The following CDC7 variants were observed in gnomAD, a reference collection of about 807,000 sequenced individuals.
CDC7 encodes cell division cycle 7.
Under a neutral mutation model 53.5 loss-of-function variants are expected in CDC7, and 34 were observed. The ratio of observed to expected loss-of-function variants is 0.64; its 90% CI spans 0.48 to 0.85. The LOEUF is 0.85. CDC7 is among the 40% of genes least tolerant of loss of function. CDC7 has a pLI of 0.00. For missense variants in CDC7, 594 were observed against 679.7 expected (o/e 0.87, Z 1.40); for synonymous variants, 211 against 222.8 (o/e 0.95, Z 0.47).
chr1:91,510,621 C>A (rs1038861224), intron 4 of CDC7, among the ~76,000 whole-genome samples: 2 of 152,188 alleles, frequency 1.3e-5, no homozygotes, highest in Admixed American at 1.3e-4. Flanking sequence ...ATATTTTTAA[C>A]TGTCTCCCTC....
At chr1:91,516,345 T>C (rs1276744843) in intron 10 of CDC7, among the ~76,000 whole-genome samples, 1 of 152,186 alleles carries the variant, frequency 6.6e-6, no homozygotes, top group East Asian at 1.9e-4. Flanking sequence ...AACAATATAA[T>C]AGCAGTTAGA....
intron 8 of CDC7, 26 bp from the exon 9 acceptor site, chr1:91,514,786 TGAAAATA>T: frequency 6.6e-7 from 1 of 1,515,292 alleles, no homozygotes; most frequent in African/African-American, 1.4e-5. Flanking sequence ...TTTAATATCA[TGAAAATA>T]GAAAAATGAG....
At chr1:91,512,968 C>T in intron 6 of CDC7, 90 bp from the exon 7 acceptor site, 5 of 1,043,224 alleles carry the variant, frequency 4.8e-6, no homozygotes, top group Non-Finnish European at 6.8e-6. Flanking sequence ...AAAAGAATTA[C>T]AGTTTTTATG....
Position 91,513,189 on chromosome 1 carries a change from A to G in CDC7, c.704A>G (p.Lys235Arg), listed in dbSNP as rs1235926456. The G allele has an allele frequency of 1.2e-6, 2 of 1,613,880 alleles. No homozygotes were observed. The highest frequency in any genetic ancestry group is 2.2e-5 in the South Asian group (2 of 91,064). Residue 235 changes from lysine (K) to arginine (R), a missense_variant, in exon 7 of 12, where the codon AAG (lysine) becomes AGG (arginine). By Grantham distance (26) the Lys-to-Arg change is conservative (BLOSUM62 2). Transcript: ENST00000234626. ...QNKSHIITGN[K>R]IPLSGPVPKE... ...AAATCCCACATAATCACAGGAAACA[A>G]GATTCCACTGAGTGGCCCAGTACCT...
At chr1:91,514,675 A>G (rs1044821665) in intron 8 of CDC7, 144 bp from the exon 9 acceptor site, 7 of 549,508 alleles carry the variant, frequency 1.3e-5, no homozygotes, top group African/African-American at 7.8e-5. Context: ...TAAACATTTT[A>G]ATAGACAACA....
rs760376567 is a variant in CDC7, at chr1:91,515,018, T to TA, written c.1097+22dup. 3.1e-6 allele frequency: 5 copies of TA among 1,593,254 alleles called. No individual in the cohort carries two copies. In the South Asian group the frequency reaches 5.7e-5, roughly 18 times the overall value. ...TCAAGGTAATGTGTTTTGATGGTGT[T>TA]ATAAAATCACCAGCATGCTGCCATT... On this transcript the variant is annotated intron_variant, in intron 9 of 11. Transcript: ENST00000234626.
At chr1:91,505,106 A>G (rs1239905162) in intron 2 of CDC7, among the ~76,000 whole-genome samples, 4 of 152,160 alleles carry the variant, frequency 2.6e-5, no homozygotes, top group South Asian at 2.1e-4. Flanking sequence ...TAAGACTTCA[A>G]GGTGGTGAAG....
At position 91,511,703 on chromosome 1, in the gene CDC7, A is replaced by G; in HGVS notation, c.429+13A>G. 1 of 1,595,604 alleles carries G rather than the reference A, an allele frequency of 6.3e-7. No individual in the cohort carries two copies. The highest frequency in any genetic ancestry group is 8.6e-7 in the Non-Finnish European group (1 of 1,166,588). On this transcript the variant is annotated intron_variant, in intron 5 of 11. Coordinates refer to ENST00000234626, the MANE Select transcript of CDC7 (RefSeq NM_003503.4). ...TGAGTCGTTTTTGGTAGGTTTTAAT[A>G]TTTCTTGAATTTTTATTAGCTAAAT...
At chr1:91,512,774 C>T (rs11164872) in intron 6 of CDC7, among the ~76,000 whole-genome samples, 6,754 of 152,082 alleles carry the variant, frequency 0.044, 372 homozygotes, top group East Asian at 0.17. Context: ...CAGAGAACAA[C>T]GGACTGTGTT....
chr1:91,522,120 G>A (rs1222986797), intron 11 of CDC7, among the ~76,000 whole-genome samples: 4 of 152,052 alleles, frequency 2.6e-5, no homozygotes, highest in Non-Finnish European at 5.9e-5. Flanking sequence ...AGCCAAGATT[G>A]CACCACTGCA....
chr1:91,523,415 G>T (rs1199851839), intron 11 of CDC7, among the ~76,000 whole-genome samples: 1 of 152,180 alleles, frequency 6.6e-6, no homozygotes, highest in Non-Finnish European at 1.5e-5. Flanking sequence ...GGCATAGGCT[G>T]GGTTTGGGGG....
At chr1:91,512,527 A>C (rs1051994306) in intron 6 of CDC7, among the ~76,000 whole-genome samples, 6 of 152,090 alleles carry the variant, frequency 3.9e-5, no homozygotes, top group African/African-American at 1.4e-4. Context: ...TTTTATTTTT[A>C]TGTATACTTT....
chr1:91,524,665 T>A lies in CDC7; in HGVS notation c.*230T>A. The A allele has an allele frequency of 2.3e-6, 1 of 437,868 alleles. No individual in the cohort carries two copies. Among genetic ancestry groups the A allele is most frequent in the Non-Finnish European group, 4.0e-6 (1 of 250,160 alleles). 27.1% of individuals were successfully genotyped at this position (437,868 alleles called of 1,614,324 possible). On this transcript the variant is annotated 3_prime_UTR_variant, in exon 12 of 12. Transcript: ENST00000234626. ...TGAGTTAAACCTACCTAAGTAGATT[T>A]TAGGTGGGTTCCTATTAGGTCAGAT...
At position 91,513,100 on chromosome 1, in the gene CDC7, T is replaced by A; in HGVS notation, c.615T>A (p.Asp205Glu). 1 of 1,613,592 alleles carries A rather than the reference T, an allele frequency of 6.2e-7. No homozygotes were observed. The highest frequency in any genetic ancestry group is 8.5e-7 in the Non-Finnish European group (1 of 1,179,632). The stretch of plus-strand genomic sequence containing the variant: ...TTGGTTTGGCCCAAGGAACCCATGA[T>A]ACGAAAATAGAGCTTCTTAAATTTG... ...VDFGLAQGTH[D>E]TKIELLKFVQ... The change falls in exon 7 of 12, where the codon GAT (aspartate) becomes GAA (glutamate). Residue 205 changes from aspartate (D) to glutamate (E), a missense_variant. By Grantham distance (45) the Asp-to-Glu change is conservative (BLOSUM62 2). Coordinates refer to ENST00000234626, the MANE Select transcript of CDC7 (RefSeq NM_003503.4).
At chr1:91,516,696 A>T (rs904912302) in intron 10 of CDC7, among the ~76,000 whole-genome samples, 1 of 152,232 alleles carries the variant, frequency 6.6e-6, no homozygotes, top group Non-Finnish European at 1.5e-5. Context: ...ACCTCTTAGA[A>T]TGTAAATTGG....
chr1:91,507,608 G>A (rs1402224229), intron 2 of CDC7, among the ~76,000 whole-genome samples: 3 of 152,124 alleles, frequency 2.0e-5, no homozygotes, highest in African/African-American at 7.2e-5. Context: ...GTATCTCTTA[G>A]TATATAATTC....
chr1:91,520,715 A>G (rs1180829357), intron 11 of CDC7, among the ~76,000 whole-genome samples: 2 of 152,210 alleles, frequency 1.3e-5, no homozygotes, highest in African/African-American at 4.8e-5. Context: ...CTTAGGCTAT[A>G]CTAACAAGTA....
chr1:91,509,401 T>C (rs1571319813), intron 4 of CDC7, among the ~76,000 whole-genome samples: 1 of 145,554 alleles, frequency 6.9e-6, no homozygotes, highest in South Asian at 2.1e-4. Flanking sequence ...CCACAACAAA[T>C]GTTCTTATCC....
At chr1:91,521,855 G>A (rs1044790546) in intron 11 of CDC7, among the ~76,000 whole-genome samples, 13 of 149,572 alleles carry the variant, frequency 8.7e-5, no homozygotes, top group African/African-American at 2.5e-4. Flanking sequence ...ATTTATCATT[G>A]TAATACTTCT....
Sources: allele counts gnomAD v4.1 joint callset (sites outside exome capture counted in the v4.1 genomes callset), GRCh38; gene constraint gnomAD v4.1.1; transcripts MANE v1.5; gene names NCBI Gene and HGNC (gene_info 2026-07-23, HGNC 2026-07-21).